SLC12A2: variants seen among roughly 807,000 people sequenced by gnomAD.
SLC12A2 encodes Na-K-2Cl cotransporter 1.
SLC12A2 carries 67 observed loss-of-function variants against 136.3 expected under a neutral mutation model. That is an observed-to-expected ratio of 0.49 (90% CI 0.40 to 0.60). The LOEUF is 0.60. Ranked by LOEUF, SLC12A2 falls within the 20% of genes least tolerant of loss-of-function variation. The pLI is 0.00. For missense variants in SLC12A2, 1,322 were observed against 1,534.7 expected (o/e 0.86, Z 2.32); for synonymous variants, 619 against 562.9 (o/e 1.10, Z -1.41).
At chr5:128,087,788 G>C (rs1760154059) in intron 1 of SLC12A2, among the ~76,000 whole-genome samples, 1 of 152,092 alleles carries the variant, frequency 6.6e-6, no homozygotes, top group Non-Finnish European at 1.5e-5. Context: ...AGATAGTAAA[G>C]GTTGGTGGCA....
intron 14 of SLC12A2, 83 bp downstream of exon 14, chr5:128,151,479 A>T: frequency 8.0e-7 from 1 of 1,247,714 alleles, no homozygotes; most frequent in Non-Finnish European, 1.1e-6. Flanking sequence ...GTTATTTTTC[A>T]TTTTAAGCAT....
intron 21 of SLC12A2, among the ~76,000 whole-genome samples, chr5:128,177,975 A>G (rs1313213679): frequency 2.6e-5 from 4 of 152,138 alleles, no homozygotes; most frequent in African/African-American, 9.7e-5. Flanking sequence ...ATGTGGTTAT[A>G]TGGCTTTAGA....
intron 17 of SLC12A2, among the ~76,000 whole-genome samples, chr5:128,163,494 A>C (rs532452424): frequency 2.6e-5 from 4 of 151,888 alleles, no homozygotes; most frequent in Non-Finnish European, 5.9e-5. Context: ...ATGCCACCGC[A>C]CTCCAGTTTG....
Position 128,114,389 on chromosome 5 carries a change from C to T in SLC12A2, c.952+102C>T, listed in dbSNP as rs570990278. ...AAGAAATTAGAGTCATTTTTAACTACGTTTTCCTTTATATCAGATTGTTAT... is the reference window on the plus strand; with the variant it reads ...AAGAAATTAGAGTCATTTTTAACTATGTTTTCCTTTATATCAGATTGTTAT... On this transcript the variant is annotated intron_variant, in intron 3 of 26. Coordinates refer to ENST00000262461, the MANE Select transcript of SLC12A2 (RefSeq NM_001046.3). 5.6e-5 allele frequency: 53 copies of T among 939,220 alleles called. 1 individual carries two copies. In the South Asian group the frequency reaches 7.1e-4, roughly 13 times the overall value. 58.2% of individuals were successfully genotyped at this position (939,220 alleles called of 1,614,324 possible). A position where few individuals can be genotyped will look rare whatever the true frequency, so the allele number is the denominator to read the frequency against.
chr5:128,115,218 A>G (rs1352134181), intron 4 of SLC12A2, among the ~76,000 whole-genome samples: 1 of 152,164 alleles, frequency 6.6e-6, no homozygotes, highest in Non-Finnish European at 1.5e-5. Context: ...TCTGCCTCCC[A>G]GGTTTAAGTG....
intron 17 of SLC12A2, among the ~76,000 whole-genome samples, chr5:128,166,085 A>G (rs1763194829): frequency 6.6e-6 from 1 of 152,080 alleles, no homozygotes; most frequent in Non-Finnish European, 1.5e-5. Context: ...CACTTTGAAA[A>G]CAGATGTAAA....
intron 4 of SLC12A2, among the ~76,000 whole-genome samples, chr5:128,121,123 A>G (rs949469359): frequency 1.3e-5 from 2 of 152,192 alleles, no homozygotes; most frequent in African/African-American, 2.4e-5. Flanking sequence ...AGTACATTTT[A>G]GAGATTAAAC....
At chr5:128,134,492 T>A (rs1581098703) in intron 6 of SLC12A2, among the ~76,000 whole-genome samples, 1 of 152,184 alleles carries the variant, frequency 6.6e-6, no homozygotes, top group South Asian at 2.1e-4. Context: ...CACAGTACTT[T>A]GTAAATTTTG....
intron 26 of SLC12A2, 90 bp downstream of exon 26, chr5:128,184,946 C>T (rs1426661721): frequency 9.0e-7 from 1 of 1,106,038 alleles, no homozygotes; most frequent in African/African-American, 1.6e-5. Flanking sequence ...CTATATAACA[C>T]CCATATTGAC....
chr5:128,098,023 C>G (rs1040605372), intron 1 of SLC12A2, among the ~76,000 whole-genome samples: 2 of 151,990 alleles, frequency 1.3e-5, no homozygotes, highest in African/African-American at 4.8e-5. Flanking sequence ...GTCTTCTGGC[C>G]TTTGGTGTTT....
intron 1 of SLC12A2, among the ~76,000 whole-genome samples, chr5:128,100,014 GT>G (rs1297595034): frequency 6.6e-6 from 1 of 152,046 alleles, no homozygotes; most frequent in African/African-American, 2.4e-5. Context: ...TTGTTATCAA[GT>G]GTTATATACT....
chr5:128,149,389 G>A (rs540700706), intron 12 of SLC12A2, among the ~76,000 whole-genome samples: 1 of 151,890 alleles, frequency 6.6e-6, no homozygotes. Context: ...GCCACTTGTG[G>A]AGAACAAGTG....
At chr5:128,175,277 T>C (rs1763503078) in intron 20 of SLC12A2, among the ~76,000 whole-genome samples, 1 of 152,120 alleles carries the variant, frequency 6.6e-6, no homozygotes, top group African/African-American at 2.4e-5. Flanking sequence ...AGTTTATCTC[T>C]TCTATATTAT....
At chr5:128,147,277 A>G (rs1456139644) in intron 10 of SLC12A2, among the ~76,000 whole-genome samples, 7 of 151,654 alleles carry the variant, frequency 4.6e-5, no homozygotes, top group Admixed American at 2.6e-4. Context: ...GTACTGACAT[A>G]TTTATGTGCT....
chr5:128,132,027 A>G (rs764013079), intron 5 of SLC12A2, among the ~76,000 whole-genome samples: 2 of 152,208 alleles, frequency 1.3e-5, no homozygotes, highest in Non-Finnish European at 2.9e-5. Context: ...AAAGAAAAAT[A>G]CAAACATTTT....
chr5:128,176,582 C>A (rs1231135939), intron 20 of SLC12A2, among the ~76,000 whole-genome samples: 2 of 151,692 alleles, frequency 1.3e-5, no homozygotes, highest in Non-Finnish European at 2.9e-5. Context: ...TCCTGTATAA[C>A]CTGGCATTTT....
At position 128,126,962 on chromosome 5, in the gene SLC12A2, A is replaced by AAT. The variant is rs1554105151; in HGVS notation, c.1049-4105_1049-4104insAT. 1.2e-3 allele frequency among the ~76,000 whole-genome samples: 29 copies of AAT among 23,310 alleles called. 1 individual carries two copies. The highest frequency in any genetic ancestry group is 2.3e-3 in the East Asian group (4 of 1,764). 15.3% of individuals were successfully genotyped at this position (23,310 alleles called of 152,430 possible). Reference sequence around the variant, plus strand: ...CCTACATATATATATATATATATATATATATTTTTTTTTTTTTTTTTTTTT... The same window carrying AAT: ...CCTACATATATATATATATATATATAATTATATTTTTTTTTTTTTTTTTTTTT... On this transcript the variant is annotated intron_variant, in intron 4 of 26. Coordinates refer to ENST00000262461, the MANE Select transcript of SLC12A2 (RefSeq NM_001046.3).
intron 22 of SLC12A2, 60 bp from the exon 23 acceptor site, chr5:128,180,823 G>A (rs1370527660): frequency 2.1e-6 from 2 of 948,510 alleles, no homozygotes; most frequent in Non-Finnish European, 3.4e-6. Flanking sequence ...AGACTAAATT[G>A]ATGTTCCTGA....
chr5:128,138,228 C>T (rs978824953), intron 7 of SLC12A2, among the ~76,000 whole-genome samples: 1 of 152,194 alleles, frequency 6.6e-6, no homozygotes, highest in African/African-American at 2.4e-5. Flanking sequence ...CGTGAGGCAC[C>T]ACGCCATGCC....
Sources: allele counts gnomAD v4.1 joint callset (sites outside exome capture counted in the v4.1 genomes callset), GRCh38; gene constraint gnomAD v4.1.1; transcripts MANE v1.5; gene names NCBI Gene and HGNC (gene_info 2026-07-23, HGNC 2026-07-21).